The following ARL15 variants were observed in gnomAD, a reference collection of about 807,000 sequenced individuals.
ARL15 encodes ADP-ribosylation factor-like protein 15.
Under a neutral mutation model 25.2 loss-of-function variants are expected in ARL15, and 19 were observed. The observed-to-expected ratio is 0.75, with a 90% confidence interval of 0.53 to 1.10. The LOEUF (loss-of-function observed/expected upper bound fraction) is 1.10. Ranked by LOEUF, ARL15 falls within the 50% of genes least tolerant of loss-of-function variation. ARL15 has a pLI of 0.00. For synonymous variants in ARL15, 94 were observed against 86.8 expected (o/e 1.08, Z -0.46); for missense variants, 220 against 246.0 (o/e 0.89, Z 0.71).
intron 4 of ARL15, among the ~76,000 whole-genome samples, chr5:53,993,159 T>C (rs897719405): frequency 1.3e-5 from 2 of 152,230 alleles, no homozygotes; most frequent in African/African-American, 4.8e-5. Flanking sequence ...CTGATACACA[T>C]TTTCGTCTAG....
intron 4 of ARL15, among the ~76,000 whole-genome samples, chr5:54,010,240 C>T (rs903990053): frequency 1.3e-5 from 2 of 152,168 alleles, no homozygotes; most frequent in South Asian, 4.1e-4. Context: ...GTAACATTCA[C>T]CTTACATTTA....
At chr5:53,916,581 TGCC>T (rs1745657018) in intron 4 of ARL15, among the ~76,000 whole-genome samples, 1 of 152,132 alleles carries the variant, frequency 6.6e-6, no homozygotes, top group Non-Finnish European at 1.5e-5. Context: ...ATTTGGAAAG[TGCC>T]TAGTAAGACA....
At chr5:54,060,020 C>A (rs1325690576) in intron 4 of ARL15, among the ~76,000 whole-genome samples, 16 of 151,310 alleles carry the variant, frequency 1.1e-4, no homozygotes, top group African/African-American at 3.9e-4. Flanking sequence ...TGGCTGTGTC[C>A]CCACCCAAAT....
intron 4 of ARL15, among the ~76,000 whole-genome samples, chr5:54,044,494 C>G (rs537778423): frequency 1.4e-4 from 21 of 152,274 alleles, no homozygotes; most frequent in African/African-American, 4.1e-4. Context: ...ATCCACCCGC[C>G]TTGGCCTCCC....
At chr5:54,171,969 G>A (rs1296768530) in intron 1 of ARL15, 41 bp from the exon 2 acceptor site, 4 of 1,594,562 alleles carry the variant, frequency 2.5e-6, no homozygotes, top group Admixed American at 3.4e-5. Context: ...TTAAATGACA[G>A]TATGGAAATA....
intron 4 of ARL15, among the ~76,000 whole-genome samples, chr5:53,944,326 C>T (rs537113357): frequency 6.6e-6 from 1 of 152,134 alleles, no homozygotes; most frequent in South Asian, 2.1e-4. Flanking sequence ...AAAGAAATGA[C>T]CTGGCCGGGC....
At chr5:54,067,680 T>C (rs894661576) in intron 4 of ARL15, among the ~76,000 whole-genome samples, 11 of 152,210 alleles carry the variant, frequency 7.2e-5, no homozygotes, top group African/African-American at 1.2e-4. Flanking sequence ...ATTTAGTTTT[T>C]TCCTCTCAGC....
At chr5:54,196,488 T>C (rs773388321) in intron 1 of ARL15, among the ~76,000 whole-genome samples, 1 of 152,158 alleles carries the variant, frequency 6.6e-6, no homozygotes, top group Non-Finnish European at 1.5e-5. Flanking sequence ...GGGACTAATA[T>C]ACAGTTGTGG....
intron 3 of ARL15, among the ~76,000 whole-genome samples, chr5:54,117,685 T>A (rs749984775): frequency 2.2e-4 from 34 of 152,200 alleles, no homozygotes; most frequent in Non-Finnish European, 5.9e-5. Context: ...TGTACAACTG[T>A]TTGAGTTGTA....
intron 4 of ARL15, among the ~76,000 whole-genome samples, chr5:54,069,414 T>C (rs1481463183): frequency 3.3e-5 from 5 of 151,740 alleles, no homozygotes; most frequent in Non-Finnish European, 7.4e-5. Context: ...CTACTAAAAA[T>C]ACAAAAATTA....
At chr5:54,106,559 C>T (rs2112196430) in intron 4 of ARL15, among the ~76,000 whole-genome samples, 1 of 152,166 alleles carries the variant, frequency 6.6e-6, no homozygotes, top group Non-Finnish European at 1.5e-5. Flanking sequence ...CTCCCATATA[C>T]TTTAAATCAT....
chr5:54,040,156 G>T (rs1212607936), intron 4 of ARL15, among the ~76,000 whole-genome samples: 1 of 152,096 alleles, frequency 6.6e-6, no homozygotes, highest in East Asian at 1.9e-4. Context: ...ATTTCGTCAT[G>T]CATTAAAATC....
chr5:54,091,863 G>A (rs1752137379), intron 4 of ARL15, among the ~76,000 whole-genome samples: 1 of 152,162 alleles, frequency 6.6e-6, no homozygotes, highest in African/African-American at 2.4e-5. Flanking sequence ...GGCGTCTGAT[G>A]GGGTATACCA....
chr5:54,042,660 T>G (rs1414314084), intron 4 of ARL15, among the ~76,000 whole-genome samples: 1 of 152,214 alleles, frequency 6.6e-6, no homozygotes, highest in African/African-American at 2.4e-5. Context: ...TGCTATTAAC[T>G]TGATTAAAAA....
At chr5:54,181,142 C>A (rs1416326905) in intron 1 of ARL15, among the ~76,000 whole-genome samples, 1 of 152,128 alleles carries the variant, frequency 6.6e-6, no homozygotes, top group East Asian at 1.9e-4. Flanking sequence ...AATTTCACAT[C>A]TTCTCACATT....
intron 1 of ARL15, among the ~76,000 whole-genome samples, chr5:54,253,632 C>T (rs1757296217): frequency 6.6e-6 from 1 of 151,948 alleles, no homozygotes. Flanking sequence ...CACTCTGTCA[C>T]CCAGGCTGGA....
At chr5:54,234,814 C>T (rs959978340) in intron 1 of ARL15, among the ~76,000 whole-genome samples, 1 of 152,074 alleles carries the variant, frequency 6.6e-6, no homozygotes, top group Admixed American at 6.5e-5. Context: ...AATTACAACT[C>T]CGTCCCAGAA....
At chr5:54,304,628 AT>A (rs1561302313) in intron 1 of ARL15, among the ~76,000 whole-genome samples, 1 of 152,124 alleles carries the variant, frequency 6.6e-6, no homozygotes, top group African/African-American at 2.4e-5. Flanking sequence ...TGCTCAAAAC[AT>A]TTTTGCTATA....
chr5:54,195,270 C>A (rs1755518607), intron 1 of ARL15, among the ~76,000 whole-genome samples: 1 of 152,118 alleles, frequency 6.6e-6, no homozygotes, highest in African/African-American at 2.4e-5. Flanking sequence ...TATATTCAGA[C>A]ATCATCAATG....
Sources: gnomAD v4.1 joint callset for allele counts (sites outside exome capture counted in the v4.1 genomes callset) on GRCh38, gnomAD v4.1.1 for gene constraint, MANE v1.5 for transcripts, NCBI Gene and HGNC (gene_info 2026-07-23, HGNC 2026-07-21) for gene names.